Variants in ADCY8 observed in about 807,000 individuals in gnomAD.
ADCY8 encodes the protein adenylate cyclase type 8.
Under a neutral mutation model 119.7 loss-of-function variants are expected in ADCY8, and 51 were observed. The ratio of observed to expected loss-of-function variants is 0.43; its 90% CI spans 0.34 to 0.54. The LOEUF (loss-of-function observed/expected upper bound fraction) is 0.54. ADCY8 is among the 20% of genes least tolerant of loss of function. ADCY8 has a pLI of 0.03. For synonymous variants in ADCY8, 665 were observed against 651.0 expected, an observed-to-expected ratio of 1.02 and a Z score of -0.33; for missense variants, 1,383 against 1,598.8, an observed-to-expected ratio of 0.87 and a Z score of 2.30.
chr8:131,012,831 C>T (rs982488203), intron 1 of ADCY8, among the ~76,000 whole-genome samples: 1 of 152,182 alleles, frequency 6.6e-6, no homozygotes, highest in Non-Finnish European at 1.5e-5. Flanking sequence ...CACAGCTCAA[C>T]TTGTCTATTT....
In ADCY8 at chr8:130,951,974, G is replaced by C. The variant is rs2130659246; in HGVS notation, c.1135C>G (p.Pro379Ala). 6.2e-7 allele frequency: 1 copy of C among 1,614,038 alleles called. No individual in the cohort carries two copies. Among genetic ancestry groups the C allele is most frequent in the East Asian group, 2.2e-5 (1 of 44,876 alleles). Residue 379 changes from proline to alanine, a missense_variant, in exon 3 of 18, where the codon CCC becomes GCC. Pro to Ala is a conservative substitution (Grantham distance 27, BLOSUM62 -1). This residue lies in a region of ADCY8 where 928 missense variants were observed against 1,163.5 expected (regional missense o/e 0.80). Transcript: ENST00000286355. The stretch of plus-strand genomic sequence containing the variant: ...ATCATTTCCAGGACAACAAACCGGG[G>C]GAGCACAGAAAGCACGAGCCGCTCC... ...RQERLVLSVL[P>A]RFVVLEMIND... is the part of the protein sequence containing the mutation.
intron 12 of ADCY8, among the ~76,000 whole-genome samples, chr8:130,828,148 C>T (rs1430830813): frequency 6.6e-6 from 1 of 152,184 alleles, no homozygotes; most frequent in Non-Finnish European, 1.5e-5. Context: ...ACAGGATCTC[C>T]AACTTTCCTA....
chr8:130,990,878 G>C (rs1423537151), intron 1 of ADCY8: 2 of 174,428 alleles, frequency 1.1e-5, no homozygotes, highest in African/African-American at 4.7e-5. Context: ...AAAGCCTCTG[G>C]CTTTTAAGGG....
Position 130,906,220 on chromosome 8 carries a change from C to T in ADCY8, c.1641-2178G>A, listed in dbSNP as rs960350306. ...ATATTGACCTGGGAGAATAACAGAT[C>T]GTTTGACCTTCCATGAAATGGAAGT... On this transcript the variant is annotated intron_variant, in intron 6 of 17. Transcript: ENST00000286355. 3.9e-5 allele frequency among the ~76,000 whole-genome samples: 6 copies of T among 152,268 alleles called. No individual in the cohort carries two copies. In the Middle Eastern group the frequency reaches 0.01, roughly 259 times the overall value.
chr8:131,037,939 C>T (rs1824214229), intron 1 of ADCY8, among the ~76,000 whole-genome samples: 1 of 152,136 alleles, frequency 6.6e-6, no homozygotes, highest in African/African-American at 2.4e-5. Flanking sequence ...AAAGTTCAGT[C>T]AATCAACCCT....
intron 1 of ADCY8, among the ~76,000 whole-genome samples, chr8:131,023,065 C>T (rs1823722655): frequency 1.3e-5 from 2 of 152,276 alleles, no homozygotes; most frequent in South Asian, 4.2e-4. Flanking sequence ...AGGTTAAACT[C>T]TCTAATCCTC....
intron 3 of ADCY8, among the ~76,000 whole-genome samples, chr8:130,949,101 T>C (rs553110230): frequency 2.0e-5 from 3 of 151,510 alleles, no homozygotes; most frequent in Non-Finnish European, 4.4e-5. Flanking sequence ...CGTGAACTTC[T>C]GGAAAAGGGT....
chr8:130,965,216 C>A (rs1821725567), intron 2 of ADCY8, among the ~76,000 whole-genome samples: 1 of 152,094 alleles, frequency 6.6e-6, no homozygotes, highest in African/African-American at 2.4e-5. Flanking sequence ...GCTTTTGTTG[C>A]AATTGCTTTT....
At chr8:130,857,437 C>A (rs1817781311) in intron 9 of ADCY8, among the ~76,000 whole-genome samples, 1 of 152,092 alleles carries the variant, frequency 6.6e-6, no homozygotes, top group African/African-American at 2.4e-5. Context: ...AAATCTGTAA[C>A]TTGTCTCTTT....
chr8:130,831,897 A>G (rs1254993263), intron 12 of ADCY8, among the ~76,000 whole-genome samples: 6 of 152,218 alleles, frequency 3.9e-5, no homozygotes, highest in Admixed American at 1.3e-4. Flanking sequence ...ACATTAGCAC[A>G]TATCAAGTGC....
intron 1 of ADCY8, among the ~76,000 whole-genome samples, chr8:130,992,620 G>T (rs1383666742): frequency 6.6e-6 from 1 of 151,494 alleles, no homozygotes; most frequent in Non-Finnish European, 1.5e-5. Flanking sequence ...TTCCTATGTT[G>T]GCCAGGCTGG....
chr8:130,906,137 G>T (rs967754588), intron 6 of ADCY8, among the ~76,000 whole-genome samples: 1 of 152,178 alleles, frequency 6.6e-6, no homozygotes, highest in Non-Finnish European at 1.5e-5. Flanking sequence ...TGAGAAATGT[G>T]CTGAATAAAT....
intron 1 of ADCY8, among the ~76,000 whole-genome samples, chr8:131,022,430 T>A (rs949261497): frequency 6.6e-6 from 1 of 152,234 alleles, no homozygotes; most frequent in African/African-American, 2.4e-5. Context: ...GCTTCATCCA[T>A]GTCCCTGTAA....
chr8:131,011,279 C>T (rs1165981580), intron 1 of ADCY8, among the ~76,000 whole-genome samples: 1 of 152,114 alleles, frequency 6.6e-6, no homozygotes, highest in East Asian at 1.9e-4. Context: ...ACATTTTCAA[C>T]ATTGCTGTGG....
At chr8:131,012,873 G>A (rs1451246672) in intron 1 of ADCY8, among the ~76,000 whole-genome samples, 1 of 152,182 alleles carries the variant, frequency 6.6e-6, no homozygotes, top group African/African-American at 2.4e-5. Context: ...CGTGGGTACT[G>A]ATCCCAACCG....
At chr8:131,025,512 C>T (rs1291580243) in intron 1 of ADCY8, among the ~76,000 whole-genome samples, 2 of 152,256 alleles carry the variant, frequency 1.3e-5, no homozygotes, top group South Asian at 2.1e-4. Context: ...GAGATTCCCG[C>T]GTGATGTGCC....
chr8:130,991,580 A>G (rs150432992), intron 1 of ADCY8, among the ~76,000 whole-genome samples: 104 of 152,374 alleles, frequency 6.8e-4, no homozygotes, highest in African/African-American at 2.4e-3. Flanking sequence ...ATTACCTGCT[A>G]AAGTGAAACG....
At chr8:130,797,221 G>A (rs1475758066) in intron 15 of ADCY8, among the ~76,000 whole-genome samples, 1 of 151,270 alleles carries the variant, frequency 6.6e-6, no homozygotes, top group Admixed American at 6.6e-5. Flanking sequence ...AAAACATTAT[G>A]AGACTTTTTT....
At chr8:130,901,782 C>A (rs1819611315) in intron 7 of ADCY8, among the ~76,000 whole-genome samples, 2 of 152,058 alleles carry the variant, frequency 1.3e-5, no homozygotes. Flanking sequence ...AAAATGAATT[C>A]AGATTTTTCG....
Sources: allele counts gnomAD v4.1 joint callset (sites outside exome capture counted in the v4.1 genomes callset), GRCh38; gene constraint gnomAD v4.1.1; regional missense constraint gnomAD v4.1.1; transcripts MANE v1.5; gene names NCBI Gene and HGNC (gene_info 2026-07-23, HGNC 2026-07-21).